The following KCNMB4 variants were observed in gnomAD, a reference collection of about 807,000 sequenced individuals.
KCNMB4 encodes the protein calcium-activated potassium channel subunit beta-4.
KCNMB4 carries 3 observed loss-of-function variants against 20.7 expected under a neutral mutation model. The observed-to-expected ratio is 0.14, with a 90% confidence interval of 0.07 to 0.37. The LOEUF is 0.37. Ranked by LOEUF, KCNMB4 falls within the 10% of genes least tolerant of loss-of-function variation. The pLI is 1.00. For synonymous variants in KCNMB4, 110 were observed against 113.4 expected (o/e 0.97, Z 0.19); for missense variants, 168 against 265.9 (o/e 0.63, Z 2.56).
chr12:70,371,956 C>T (rs1020239118), intron 1 of KCNMB4, among the ~76,000 whole-genome samples: 4 of 152,072 alleles, frequency 2.6e-5, no homozygotes, highest in African/African-American at 7.2e-5. Flanking sequence ...TGACAAAATA[C>T]GTGAAGGGCT....
intron 2 of KCNMB4, chr12:70,422,595 AT>A: frequency 1.4e-6 from 1 of 710,114 alleles, no homozygotes; most frequent in Non-Finnish European, 2.1e-6. Context: ...GCAACAAAGG[AT>A]TTCTAATTAA....
intron 1 of KCNMB4, among the ~76,000 whole-genome samples, chr12:70,384,334 C>T (rs1883847777): frequency 8.0e-6 from 1 of 124,994 alleles, no homozygotes; most frequent in African/African-American, 3.6e-5. Flanking sequence ...AGAACTGTTA[C>T]TTTAAAATAA....
intron 2 of KCNMB4, among the ~76,000 whole-genome samples, chr12:70,410,932 A>G (rs1486082976): frequency 1.3e-5 from 2 of 152,188 alleles, no homozygotes; most frequent in East Asian, 3.8e-4. Context: ...AATCCAGTTT[A>G]CCCTTAGCAT....
At chr12:70,373,928 G>A (rs974083324) in intron 1 of KCNMB4, among the ~76,000 whole-genome samples, 6 of 152,180 alleles carry the variant, frequency 3.9e-5, no homozygotes, top group African/African-American at 1.4e-4. Context: ...CAAGACTGCA[G>A]TGAGCTAAAT....
intron 1 of KCNMB4, among the ~76,000 whole-genome samples, chr12:70,375,804 A>G (rs1217944523): frequency 2.0e-5 from 3 of 152,160 alleles, no homozygotes; most frequent in Non-Finnish European, 4.4e-5. Flanking sequence ...GTCATGGTAT[A>G]TAATTCTTTT....
In KCNMB4 at chr12:70,431,833, A is replaced by C. The variant is rs1333369084; in HGVS notation, c.*1180A>C. 1 of 152,174 alleles carries C rather than the reference A, an allele frequency of 6.6e-6. No individual in the cohort carries two copies. Among genetic ancestry groups the C allele is most frequent in the African/African-American group, 2.4e-5 (1 of 41,440 alleles). 9.4% of individuals were successfully genotyped at this position (152,174 alleles called of 1,614,324 possible). On this transcript the variant is annotated 3_prime_UTR_variant, in exon 3 of 3. Coordinates refer to ENST00000258111, the MANE Select transcript of KCNMB4 (RefSeq NM_014505.6). Reference sequence around the variant, plus strand: ...AAACCTTTGTTTAGGTGAGATGTACATCGTTAGTGGAGGAAAAACTGACAA... The same window carrying C: ...AAACCTTTGTTTAGGTGAGATGTACCTCGTTAGTGGAGGAAAAACTGACAA...
At chr12:70,420,272 T>C (rs1869016921) in intron 2 of KCNMB4, among the ~76,000 whole-genome samples, 1 of 152,196 alleles carries the variant, frequency 6.6e-6, no homozygotes, top group Non-Finnish European at 1.5e-5. Context: ...CCGATGGATT[T>C]ATGTTATTTT....
At chr12:70,375,761 G>T (rs746419566) in intron 1 of KCNMB4, among the ~76,000 whole-genome samples, 3 of 152,086 alleles carry the variant, frequency 2.0e-5, no homozygotes, top group Non-Finnish European at 4.4e-5. Flanking sequence ...GGTCCTATAC[G>T]TATTAGCTCT....
Position 70,432,963 on chromosome 12 carries a change from A to G in KCNMB4, c.*2310A>G, listed in dbSNP as rs1869408386. On this transcript the variant is annotated 3_prime_UTR_variant, in exon 3 of 3. Transcript: ENST00000258111. ...TCATTTATCAGTTTGATATTCATGC[A>G]TTTACACTAAACGCTTCCATTTATC... 6.6e-6 allele frequency: 1 copy of G among 152,184 alleles called. No homozygotes were observed. Among genetic ancestry groups the G allele is most frequent in the African/African-American group, 2.4e-5 (1 of 41,454 alleles). The allele number at this position is 152,184 out of a possible 1,614,324, so 9.4% of individuals were successfully genotyped here.
chr12:70,423,723 C>T (rs1869132129), intron 2 of KCNMB4, among the ~76,000 whole-genome samples: 1 of 152,152 alleles, frequency 6.6e-6, no homozygotes, highest in Non-Finnish European at 1.5e-5. Context: ...AGTCCTCCCT[C>T]CTCGACCTCC....
Position 70,413,524 on chromosome 12 carries a change from A to G in KCNMB4, c.464+13188A>G, listed in dbSNP as rs547552860. Among the ~76,000 whole-genome samples the G allele has an allele frequency of 3.3e-5, 5 of 152,202 alleles. 1 individual carries two copies. The South Asian group carries it at 6.2e-4, about 19-fold the overall frequency. On this transcript the variant is annotated intron_variant, in intron 2 of 2. Coordinates refer to ENST00000258111, the MANE Select transcript of KCNMB4 (RefSeq NM_014505.6). ...GGCTCTCTTCGTGACTTAGTGATTG[A>G]CCTTGGGCTACTTATCAAAGAGCTC...
intron 2 of KCNMB4, among the ~76,000 whole-genome samples, chr12:70,423,099 A>G (rs763060019): frequency 6.6e-6 from 1 of 152,212 alleles, no homozygotes; most frequent in South Asian, 2.1e-4. Context: ...TCATGGGTCT[A>G]GTGCTACTGA....
In KCNMB4 at chr12:70,430,620, G is replaced by A. The variant is rs1228675795; in HGVS notation, c.600G>A (p.Lys200=). 1.9e-6 allele frequency: 3 copies of A among 1,611,570 alleles called. No individual in the cohort carries two copies. The Admixed American group carries it at 5.1e-5, about 27-fold the overall frequency. The change falls in exon 3 of 3, where the codon AAG becomes AAA. Residue 200 remains lysine, a synonymous_variant. Transcript: ENST00000258111. ...LTICAKSLAV[K]AEAMKKRKFS The stretch of plus-strand genomic sequence containing the variant: ...TCTGTGCCAAGAGCTTGGCGGTCAA[G>A]GCGGAAGCCATGAAGAAGCGCAAGT...
At chr12:70,382,763 T>G (rs1296947596) in intron 1 of KCNMB4, among the ~76,000 whole-genome samples, 1 of 152,190 alleles carries the variant, frequency 6.6e-6, no homozygotes, top group Non-Finnish European at 1.5e-5. Context: ...AGTAAAATAC[T>G]AGGCATGAAC....
At chr12:70,382,326 T>TCCCAGCTACTCG (rs1883802415) in intron 1 of KCNMB4, among the ~76,000 whole-genome samples, 1 of 149,500 alleles carries the variant, frequency 6.7e-6, no homozygotes, top group Non-Finnish European at 1.5e-5. Flanking sequence ...CCAGCTACTC[T>TCCCAGCTACTCG]GGAGGCTGAG....
At chr12:70,384,940 T>C (rs912177447) in intron 1 of KCNMB4, among the ~76,000 whole-genome samples, 2 of 149,524 alleles carry the variant, frequency 1.3e-5, no homozygotes, top group Non-Finnish European at 3.0e-5. Flanking sequence ...ATCTAGATGC[T>C]CCCTATTTAA....
chr12:70,424,347 A>C (rs1593348889), intron 2 of KCNMB4, among the ~76,000 whole-genome samples: 1 of 152,006 alleles, frequency 6.6e-6, no homozygotes, highest in East Asian at 1.9e-4. Flanking sequence ...GTGGATCCCC[A>C]CAACAGAGCA....
intron 1 of KCNMB4, among the ~76,000 whole-genome samples, chr12:70,381,595 G>C (rs1007061241): frequency 2.0e-5 from 3 of 152,128 alleles, no homozygotes; most frequent in African/African-American, 7.2e-5. Flanking sequence ...CAAAAATATG[G>C]TAAGTATAGG....
At chr12:70,424,620 C>G (rs770310647) in intron 2 of KCNMB4, among the ~76,000 whole-genome samples, 7 of 151,538 alleles carry the variant, frequency 4.6e-5, no homozygotes, top group Non-Finnish European at 1.0e-4. Context: ...TGTGGTGGCA[C>G]ACGCCTGTAA....
Sources: gnomAD v4.1 joint callset for allele counts (sites outside exome capture counted in the v4.1 genomes callset) on GRCh38, gnomAD v4.1.1 for gene constraint, MANE v1.5 for transcripts, NCBI Gene and HGNC (gene_info 2026-07-23, HGNC 2026-07-21) for gene names.